The following ASTN2 variants were observed in gnomAD, a reference collection of about 807,000 sequenced individuals.
ASTN2 encodes astrotactin-2.
Under a neutral mutation model 139.8 loss-of-function variants are expected in ASTN2, and 54 were observed. The ratio of observed to expected loss-of-function variants is 0.39; its 90% CI spans 0.31 to 0.48. The LOEUF is 0.48. Ranked by LOEUF, ASTN2 falls within the 20% of genes least tolerant of loss-of-function variation. The pLI, the probability that ASTN2 is intolerant of heterozygous loss-of-function variation, is 0.95. For synonymous variants in ASTN2, 756 were observed against 719.5 expected, an observed-to-expected ratio of 1.05 and a Z score of -0.81; for missense variants, 1,565 against 1,725.1, an observed-to-expected ratio of 0.91 and a Z score of 1.64.
chr9:116,916,343 A>G (rs543654221), intron 10 of ASTN2, among the ~76,000 whole-genome samples: 1 of 152,284 alleles, frequency 6.6e-6, no homozygotes, highest in East Asian at 1.9e-4. Flanking sequence ...CTTTGTCCAA[A>G]TTAGCTCAGA....
At chr9:117,235,923 G>A (rs1030774153) in intron 2 of ASTN2, among the ~76,000 whole-genome samples, 3 of 152,180 alleles carry the variant, frequency 2.0e-5, no homozygotes, top group African/African-American at 4.8e-5. Context: ...TTGTGCAGAT[G>A]AGGAAAGTGA....
At chr9:116,635,113 A>G (rs16933768) in intron 17 of ASTN2, among the ~76,000 whole-genome samples, 3,614 of 152,334 alleles carry the variant, frequency 0.024, 140 homozygotes, top group African/African-American at 0.082. Context: ...TAATTAAATT[A>G]TATCTCCATA....
chr9:116,816,454 C>A (rs1831332325), intron 12 of ASTN2, among the ~76,000 whole-genome samples: 1 of 152,184 alleles, frequency 6.6e-6, no homozygotes, highest in Non-Finnish European at 1.5e-5. Context: ...CACCTCTTTG[C>A]CCCTGCTGGA....
intron 12 of ASTN2, among the ~76,000 whole-genome samples, chr9:116,815,870 A>G (rs1831314909): frequency 1.3e-5 from 2 of 150,128 alleles, no homozygotes; most frequent in African/African-American, 2.4e-5. Context: ...GGAATATATG[A>G]GAAATAACTC....
intron 3 of ASTN2, among the ~76,000 whole-genome samples, chr9:117,212,737 G>A (rs1321381061): frequency 1.3e-5 from 2 of 152,058 alleles, no homozygotes; most frequent in African/African-American, 4.8e-5. Flanking sequence ...CTGCAATGAG[G>A]TATAATCTCA....
At chr9:117,382,640 G>A (rs1587999002) in intron 1 of ASTN2, among the ~76,000 whole-genome samples, 2 of 152,256 alleles carry the variant, frequency 1.3e-5, no homozygotes, top group East Asian at 1.9e-4. Context: ...CACCCAACTC[G>A]AATCTATTAG....
intron 19 of ASTN2, among the ~76,000 whole-genome samples, chr9:116,527,967 A>C (rs1419083297): frequency 1.3e-5 from 2 of 152,102 alleles, no homozygotes; most frequent in African/African-American, 4.8e-5. Context: ...TAAAGTACCC[A>C]ATCTTAGGTA....
At chr9:117,142,322 T>C (rs1442920883) in intron 3 of ASTN2, among the ~76,000 whole-genome samples, 2 of 152,220 alleles carry the variant, frequency 1.3e-5, no homozygotes, top group Non-Finnish European at 2.9e-5. Context: ...AAAGGAGGCC[T>C]GGACTGAGGC....
intron 2 of ASTN2, among the ~76,000 whole-genome samples, chr9:117,220,241 G>GC (rs148506591): frequency 3.6e-4 from 55 of 152,086 alleles, no homozygotes; most frequent in Middle Eastern, 6.8e-3. Flanking sequence ...ATAATGTCCA[G>GC]GTTCCCTAGC....
chr9:117,017,233 TTTTCTTTTAA>T (rs1202660444), intron 6 of ASTN2, among the ~76,000 whole-genome samples: 1 of 19,360 alleles, frequency 5.2e-5, no homozygotes, highest in Non-Finnish European at 2.1e-4. Context: ...AAAGCAACTC[TTTTCTTTTAA>T]TTTAATTCTT....
intron 2 of ASTN2, among the ~76,000 whole-genome samples, chr9:117,273,967 T>C (rs1443146421): frequency 6.6e-6 from 1 of 152,012 alleles, no homozygotes; most frequent in Non-Finnish European, 1.5e-5. Flanking sequence ...TTCTGAGGAG[T>C]AGAAGATAGT....
intron 2 of ASTN2, among the ~76,000 whole-genome samples, chr9:117,274,972 A>G (rs1169512558): frequency 6.6e-6 from 1 of 152,224 alleles, no homozygotes; most frequent in African/African-American, 2.4e-5. Flanking sequence ...GGCTGAATCT[A>G]GGTTTTGGGT....
chr9:116,509,263 GTTTT>G (rs1411807926), intron 19 of ASTN2, among the ~76,000 whole-genome samples: 1 of 152,034 alleles, frequency 6.6e-6, no homozygotes. Flanking sequence ...GCAGTGTTTG[GTTTT>G]TTGTCTTTGT....
intron 3 of ASTN2, among the ~76,000 whole-genome samples, chr9:117,211,265 A>G (rs759625154): frequency 6.6e-6 from 1 of 152,222 alleles, no homozygotes; most frequent in Non-Finnish European, 1.5e-5. Flanking sequence ...AAAAACCTAA[A>G]GAGTCTACCT....
At position 117,235,239 on chromosome 9, in the gene ASTN2, T is replaced by TA. The variant is rs558846312; in HGVS notation, c.631-20498dup. On this transcript the variant is annotated intron_variant, in intron 2 of 22. Coordinates refer to ENST00000313400, the MANE Select transcript of ASTN2 (RefSeq NM_001365068.1). ...AATAACAGCAAGACTCTGTCTCAAT[T>TA]AAAAAAAAAAAAAGGCGGGGGGAGG... 3.5e-3 allele frequency among the ~76,000 whole-genome samples: 470 copies of TA among 134,716 alleles called. 3 individuals carry two copies. Among genetic ancestry groups the TA allele is most frequent in the South Asian group, 0.026 (98 of 3,768 alleles). 88.4% of individuals were successfully genotyped at this position (134,716 alleles called of 152,430 possible).
chr9:117,375,160 G>A (rs923198445), intron 1 of ASTN2, among the ~76,000 whole-genome samples: 2 of 152,350 alleles, frequency 1.3e-5, no homozygotes, highest in East Asian at 3.9e-4. Flanking sequence ...ACAGAGAGAT[G>A]GACAAGGGAA....
intron 19 of ASTN2, among the ~76,000 whole-genome samples, chr9:116,569,298 T>C (rs930254927): frequency 5.9e-5 from 9 of 152,202 alleles, no homozygotes; most frequent in African/African-American, 1.9e-4. Context: ...ATGACAAATA[T>C]AGTGCAGGCC....
intron 5 of ASTN2, among the ~76,000 whole-genome samples, chr9:117,069,224 G>C (rs1268208731): frequency 3.1e-5 from 3 of 95,714 alleles, no homozygotes; most frequent in Non-Finnish European, 6.2e-5. Flanking sequence ...GTTCTCGTTG[G>C]TTTCAAAGAA....
At chr9:116,789,920 C>CTTTTTTTTTTTTTT (rs57433960) in intron 13 of ASTN2, among the ~76,000 whole-genome samples, 1 of 93,338 alleles carries the variant, frequency 1.1e-5, no homozygotes, top group Non-Finnish European at 2.1e-5. Flanking sequence ...TTCTCTTTCT[C>CTTTTTTTTTTTTTT]TTTTTTTTTT....
Sources: gnomAD v4.1 joint callset for allele counts (sites outside exome capture counted in the v4.1 genomes callset) on GRCh38, gnomAD v4.1.1 for gene constraint, MANE v1.5 for transcripts, NCBI Gene and HGNC (gene_info 2026-07-23, HGNC 2026-07-21) for gene names.